Variants in ZNF766 observed in about 807,000 individuals in gnomAD.
ZNF766 encodes zinc finger protein 766.
ZNF766 carries 13 observed loss-of-function variants against 13.2 expected under a neutral mutation model. The ratio of observed to expected loss-of-function variants is 0.98; its 90% CI spans 0.64 to 1.56. The LOEUF (loss-of-function observed/expected upper bound fraction) is 1.56, where lower values mean the gene tolerates loss of function less well. Ranked by LOEUF, ZNF766 falls within the 40% of genes most tolerant of loss-of-function variation. ZNF766 has a pLI of 0.00. For missense variants in ZNF766, 521 were observed against 552.2 expected, an observed-to-expected ratio of 0.94 and a Z score of 0.57; for synonymous variants, 178 against 187.6, an observed-to-expected ratio of 0.95 and a Z score of 0.42.
At chr19:52,277,413 C>T (rs923132142) in intron 1 of ZNF766, 7 of 1,435,640 alleles carry the variant, frequency 4.9e-6, no homozygotes, top group South Asian at 3.7e-5. Context: ...GAGCTGAGAT[C>T]GGGCCACGGC....
chr19:52,287,949 G>T, intron 3 of ZNF766: 1 of 410,958 alleles, frequency 2.4e-6, no homozygotes, highest in African/African-American at 2.2e-5. Context: ...ACTTTCTCTA[G>T]TGCTTCTCTG....
intron 1 of ZNF766, 136 bp downstream of exon 1, chr19:52,269,767 TCAGAGTGTTAAAATCGC>T: frequency 8.4e-7 from 1 of 1,188,026 alleles, no homozygotes; most frequent in South Asian, 1.5e-5. Context: ...ATGCGTCCCG[TCAGAGTGTTAAAATCGC>T]CCTAGGGCTG....
chr19:52,275,511 C>T (rs1415705299), intron 1 of ZNF766: 1 of 151,966 alleles, frequency 6.6e-6, no homozygotes, highest in Admixed American at 6.6e-5. Context: ...GTTTATAAAG[C>T]CTGTAGTAGT....
chr19:52,272,602 G>A (rs2122459713), intron 1 of ZNF766, among the ~76,000 whole-genome samples: 1 of 152,238 alleles, frequency 6.6e-6, no homozygotes, highest in East Asian at 1.9e-4. Context: ...AAGTAGCTGG[G>A]ACTCTAGGTG....
At chr19:52,289,743 A>C (rs111670122) in intron 3 of ZNF766, among the ~76,000 whole-genome samples, 3 of 151,992 alleles carry the variant, frequency 2.0e-5, no homozygotes, top group Non-Finnish European at 4.4e-5. Flanking sequence ...GCTCACACCT[A>C]TAATCCCAGC....
rs1257747494 is a variant in ZNF766 at position 52,293,540 on chromosome 19, G to T, written c.*2342G>T. 1 of 151,874 alleles carries T rather than the reference G, an allele frequency of 6.6e-6. No homozygotes were observed. Among genetic ancestry groups the T allele is most frequent in the African/African-American group, 2.4e-5 (1 of 41,340 alleles). 9.4% of individuals were successfully genotyped at this position (151,874 alleles called of 1,614,324 possible). A position where few individuals can be genotyped will look rare whatever the true frequency, so the allele number is the denominator to read the frequency against. On this transcript the variant is annotated 3_prime_UTR_variant, in exon 4 of 4. Coordinates refer to ENST00000439461, the MANE Select transcript of ZNF766 (RefSeq NM_001010851.3). ...TGAAATGAAATGACATGCACTTTTG[G>T]GTATATACACTTGGGTAAGTATGAT...
intron 1 of ZNF766, among the ~76,000 whole-genome samples, chr19:52,279,673 G>C (rs189114890): frequency 7.3e-5 from 11 of 151,312 alleles, no homozygotes; most frequent in African/African-American, 2.7e-4. Flanking sequence ...ACCACCCTGG[G>C]CAACATAGTA....
rs1043976078 is a variant in ZNF766 at position 52,293,535 on chromosome 19, T to C, written c.*2337T>C. 2 of 152,190 alleles carry C rather than the reference T, an allele frequency of 1.3e-5. No homozygotes were observed. The highest frequency in any genetic ancestry group is 4.8e-5 in the African/African-American group (2 of 41,424). 9.4% of individuals were successfully genotyped at this position (152,190 alleles called of 1,614,324 possible). A position where few individuals can be genotyped will look rare whatever the true frequency, so the allele number is the denominator to read the frequency against. On this transcript the variant is annotated 3_prime_UTR_variant, in exon 4 of 4. Coordinates refer to ENST00000439461, the MANE Select transcript of ZNF766 (RefSeq NM_001010851.3). ...GTGTGTGAAATGAAATGACATGCAC[T>C]TTTGGGTATATACACTTGGGTAAGT... is the stretch of plus-strand genomic sequence containing the variant.
rs539761475 is a variant in ZNF766 at position 52,276,325 on chromosome 19, A to T, written c.19-5786A>T. Reference sequence around the variant, plus strand: ...TATAAATGCTATGTAAATGCTTGTTATACTGGGTTGTTTTCTTGTATTATT... The same window carrying T: ...TATAAATGCTATGTAAATGCTTGTTTTACTGGGTTGTTTTCTTGTATTATT... On this transcript the variant is annotated intron_variant, in intron 1 of 3. Transcript: ENST00000439461. Among the ~76,000 whole-genome samples, 39 of 152,286 alleles carry T rather than the reference A, an allele frequency of 2.6e-4. 1 individual carries two copies. The South Asian group carries it at 8.1e-3, about 32-fold the overall frequency.
chr19:52,289,893 T>C (rs952250654), intron 3 of ZNF766, among the ~76,000 whole-genome samples, 173 bp from the exon 4 acceptor site: 5 of 152,002 alleles, frequency 3.3e-5, no homozygotes, highest in African/African-American at 4.8e-5. Context: ...CCCAGCTACT[T>C]GGGAGGCTGA....
intron 1 of ZNF766, among the ~76,000 whole-genome samples, chr19:52,270,682 C>T (rs902214519): frequency 6.6e-6 from 1 of 151,578 alleles, no homozygotes; most frequent in Non-Finnish European, 1.5e-5. Context: ...AGGAGGAGCA[C>T]AGATGGGAGA....
At chr19:52,281,234 T>C (rs1981499178) in intron 1 of ZNF766, among the ~76,000 whole-genome samples, 1 of 151,838 alleles carries the variant, frequency 6.6e-6, no homozygotes, top group South Asian at 2.1e-4. Flanking sequence ...TTCTACACTA[T>C]TGGGCCGGGT....
intron 1 of ZNF766, among the ~76,000 whole-genome samples, chr19:52,273,301 C>T (rs1335163413): frequency 6.6e-6 from 1 of 152,206 alleles, no homozygotes; most frequent in East Asian, 1.9e-4. Context: ...AGCCACCATG[C>T]CCAGCCTATA....
chr19:52,270,945 T>C (rs1449991966), intron 1 of ZNF766, among the ~76,000 whole-genome samples: 2 of 152,014 alleles, frequency 1.3e-5, no homozygotes, highest in Non-Finnish European at 2.9e-5. Flanking sequence ...CCAGCTCGCC[T>C]GGCCAATTTT....
In ZNF766 at chr19:52,290,592, A is replaced by G. The variant is rs959714564; in HGVS notation, c.801A>G (p.Gly267=). 1.2e-6 allele frequency: 2 copies of G among 1,614,112 alleles called. No homozygotes were observed. The highest frequency in any genetic ancestry group is 1.7e-6 in the Non-Finnish European group (2 of 1,179,968). ...YLARHEKVHT[G]ESPYKCNECG... is the part of the protein sequence containing the mutation. ...CACGACACGAGAAAGTGCATACTGGAGAGAGTCCTTACAAATGTAATGAGT... is the reference window on the plus strand; with the variant it reads ...CACGACACGAGAAAGTGCATACTGGGGAGAGTCCTTACAAATGTAATGAGT... The change falls in exon 4 of 4, where the codon GGA becomes GGG. Residue 267 remains glycine (G), a synonymous_variant. Transcript: ENST00000439461.
rs1355205177 is a variant in ZNF766 at position 52,290,308 on chromosome 19, T to C, written c.517T>C (p.Leu173=). ...KHRNDFVDFP[L]LSQEQKAHIR... ...TAGGAATGATTTTGTTGATTTTCCA[T>C]TGCTGTCACAAGAACAGAAAGCACA... The change falls in exon 4 of 4, where the codon TTG becomes CTG. Residue 173 remains leucine (L), a synonymous_variant. Transcript: ENST00000439461. The C allele has an allele frequency of 6.2e-7, 1 of 1,613,854 alleles. No individual in the cohort carries two copies. Among genetic ancestry groups the C allele is most frequent in the Admixed American group, 1.7e-5 (1 of 60,008 alleles).
chr19:52,276,922 C>G (rs186339348), intron 1 of ZNF766, among the ~76,000 whole-genome samples: 446 of 152,266 alleles, frequency 2.9e-3, no homozygotes, highest in Non-Finnish European at 5.1e-3. Flanking sequence ...CAGCTCCCCA[C>G]TGCTGCAGTG....
chr19:52,288,739 C>T (rs1223477700), intron 3 of ZNF766, among the ~76,000 whole-genome samples: 1 of 150,866 alleles, frequency 6.6e-6, no homozygotes, highest in Non-Finnish European at 1.5e-5. Flanking sequence ...ATATCCCTTC[C>T]AGCACTATTT....
At chr19:52,288,089 C>G (rs1392458202) in intron 3 of ZNF766, 1 of 364,988 alleles carries the variant, frequency 2.7e-6, no homozygotes, top group Admixed American at 4.0e-5. Context: ...GGTGTGATCT[C>G]GGCTCACTGC....
Sources: gnomAD v4.1 joint callset for allele counts (sites outside exome capture counted in the v4.1 genomes callset) on GRCh38, gnomAD v4.1.1 for gene constraint, MANE v1.5 for transcripts, NCBI Gene and HGNC (gene_info 2026-07-23, HGNC 2026-07-21) for gene names.